LRRC37A2: variants seen among roughly 807,000 people sequenced by gnomAD.
LRRC37A2 encodes leucine-rich repeat-containing protein 37A2.
LRRC37A2 carries 9 observed loss-of-function variants against 68.8 expected under a neutral mutation model. That is an observed-to-expected ratio of 0.13 (90% CI 0.08 to 0.23). The LOEUF is 0.23. Among genes scored for constraint, LRRC37A2 ranks in the 10% least tolerant of loss-of-function variants. The pLI, the probability that LRRC37A2 is intolerant of heterozygous loss-of-function variation, is 1.00. For missense variants in LRRC37A2, 168 were observed against 950.4 expected (o/e 0.18, Z 10.82); for synonymous variants, 63 against 367.6 (o/e 0.17, Z 9.48).
At chr17:46,696,046 CATTA>C in the LRRC37A2 span, among the ~76,000 whole-genome samples, 1 of 108,184 alleles carries the variant, frequency 9.2e-6, no homozygotes, top group Non-Finnish European at 1.7e-5. Flanking sequence ...GGTCATCAGA[CATTA>C]ATTTATTTTT....
At chr17:46,810,855 G>C in the LRRC37A2 span, among the ~76,000 whole-genome samples, 1 of 152,118 alleles carries the variant, frequency 6.6e-6, no homozygotes, top group African/African-American at 2.4e-5. Flanking sequence ...CTAATATCAA[G>C]ATGGTGGCAG....
chr17:46,721,394 CCTT>C, the LRRC37A2 span, among the ~76,000 whole-genome samples: 4 of 152,158 alleles, frequency 2.6e-5, no homozygotes, highest in African/African-American at 9.7e-5. Context: ...CACATTGTTT[CCTT>C]CTTCAGTTCT....
the LRRC37A2 span, chr17:46,818,652 G>A: frequency 2.0e-6 from 3 of 1,463,882 alleles, no homozygotes; most frequent in Non-Finnish European, 2.8e-6. Flanking sequence ...GGGGAGCGAC[G>A]CCCCCAATAG....
chr17:47,028,674 G>C, the LRRC37A2 span, among the ~76,000 whole-genome samples: 1 of 151,926 alleles, frequency 6.6e-6, no homozygotes, highest in South Asian at 2.1e-4. Flanking sequence ...TTTGGGAGCC[G>C]AGGTGGGTGG....
the LRRC37A2 span, among the ~76,000 whole-genome samples, chr17:46,946,328 G>A: frequency 2.1e-4 from 32 of 151,234 alleles, no homozygotes; most frequent in Admixed American, 4.6e-4. Flanking sequence ...AGGAGTGGTG[G>A]CGCATGCCTG....
chr17:46,925,015 A>G, the LRRC37A2 span, among the ~76,000 whole-genome samples: 1 of 152,198 alleles, frequency 6.6e-6, no homozygotes, highest in Non-Finnish European at 1.5e-5. Context: ...CACAGAGAAA[A>G]CTGCATGGCT....
chr17:46,946,870 A>T, the LRRC37A2 span, among the ~76,000 whole-genome samples: 50 of 152,340 alleles, frequency 3.3e-4, no homozygotes, highest in South Asian at 9.9e-3. Flanking sequence ...TTCAATTTTA[A>T]AAAAACAAAA....
At chr17:46,948,973 C>T in the LRRC37A2 span, 1 of 152,222 alleles carries the variant, frequency 6.6e-6, no homozygotes, top group Non-Finnish European at 1.5e-5. Context: ...AGGTGCCAGT[C>T]ACGGGACTGG....
At chr17:46,988,837 C>T in the LRRC37A2 span, among the ~76,000 whole-genome samples, 1 of 152,168 alleles carries the variant, frequency 6.6e-6, no homozygotes, top group South Asian at 2.1e-4. Context: ...CTTCTGTGTC[C>T]AGCTAAGTGC....
chr17:47,007,118 A>G, the LRRC37A2 span, among the ~76,000 whole-genome samples: 1 of 152,168 alleles, frequency 6.6e-6, no homozygotes, highest in African/African-American at 2.4e-5. Context: ...GTGCTCATTT[A>G]ATTTTACAGA....
chr17:46,776,661 C>T, the LRRC37A2 span, among the ~76,000 whole-genome samples: 1 of 152,146 alleles, frequency 6.6e-6, no homozygotes, highest in Non-Finnish European at 1.5e-5. Flanking sequence ...CACAGCCCTG[C>T]AATCACTGGA....
At chr17:46,897,853 C>T in the LRRC37A2 span, among the ~76,000 whole-genome samples, 1 of 152,096 alleles carries the variant, frequency 6.6e-6, no homozygotes, top group Non-Finnish European at 1.5e-5. Flanking sequence ...CCTTGCTTCT[C>T]TCCTACCTGG....
chr17:46,911,461 A>T, the LRRC37A2 span: 1 of 152,222 alleles, frequency 6.6e-6, no homozygotes, highest in Non-Finnish European at 1.5e-5. Flanking sequence ...ATCTGATCCA[A>T]CTGGTGCTTA....
chr17:47,040,194 G>C, the LRRC37A2 span, among the ~76,000 whole-genome samples: 22 of 150,210 alleles, frequency 1.5e-4, no homozygotes, highest in African/African-American at 5.3e-4. Context: ...TATAATCCCA[G>C]CACTTTGGGA....
the LRRC37A2 span, among the ~76,000 whole-genome samples, chr17:47,044,676 T>C: frequency 2.0e-5 from 3 of 151,748 alleles, no homozygotes; most frequent in Non-Finnish European, 1.5e-5. Context: ...ATTCTAAGGC[T>C]TAAAGGAAAA....
the LRRC37A2 span, among the ~76,000 whole-genome samples, chr17:46,808,432 A>G: frequency 1.3e-5 from 2 of 152,250 alleles, no homozygotes; most frequent in East Asian, 3.8e-4. Flanking sequence ...ACAAAGTAGA[A>G]TATGAACAAG....
At chr17:46,803,159 G>A in the LRRC37A2 span, among the ~76,000 whole-genome samples, 131,137 of 152,286 alleles carry the variant, frequency 0.86, 56,655 homozygotes, top group African/African-American at 0.89. Context: ...GCATTTGGTC[G>A]CAGAAGTCTT....
the LRRC37A2 span, among the ~76,000 whole-genome samples, chr17:46,943,996 C>T: frequency 6.6e-6 from 1 of 152,126 alleles, no homozygotes; most frequent in South Asian, 2.1e-4. Flanking sequence ...GAGGCTGACT[C>T]CTGGCTTAGC....
At chr17:47,021,005 C>T in the LRRC37A2 span, among the ~76,000 whole-genome samples, 1 of 151,792 alleles carries the variant, frequency 6.6e-6, no homozygotes, top group South Asian at 2.1e-4. Flanking sequence ...AATGGGAGTA[C>T]AGTCTAGGCA....
Sources: gnomAD v4.1 joint callset for allele counts (sites outside exome capture counted in the v4.1 genomes callset) on GRCh38, gnomAD v4.1.1 for gene constraint, MANE v1.5 for transcripts, NCBI Gene and HGNC (gene_info 2026-07-23, HGNC 2026-07-21) for gene names.